SLC18B1: variants seen among roughly 807,000 people sequenced by gnomAD.
SLC18B1 encodes the protein MFS-type transporter SLC18B1.
Under a neutral mutation model 53.9 loss-of-function variants are expected in SLC18B1, and 62 were observed. That is an observed-to-expected ratio of 1.15 (90% confidence interval 0.94 to 1.42). SLC18B1 has a LOEUF of 1.42. Among genes scored for constraint, SLC18B1 ranks in the 40% most tolerant of loss-of-function variants. The pLI, the probability that SLC18B1 is intolerant of heterozygous loss-of-function variation, is 0.00. For missense variants in SLC18B1, 598 were observed against 547.3 expected, an observed-to-expected ratio of 1.09 and a Z score of -0.93; for synonymous variants, 217 against 200.9, an observed-to-expected ratio of 1.08 and a Z score of -0.68.
chr6:132,779,411 G>T lies in SLC18B1; in HGVS notation c.659-7C>A. On this transcript the variant is annotated splice_region_variant and splice_polypyrimidine_tract_variant and intron_variant, in intron 6 of 13. Transcript: ENST00000275227. ...TGTTCACCTGGATCAGACTCTTTAG[G>T]GAAAAAATGAAAAAAGAAAAAAAAA... 6.4e-7 allele frequency: 1 copy of T among 1,550,954 alleles called. No homozygotes were observed. Among genetic ancestry groups the T allele is most frequent in the Non-Finnish European group, 8.7e-7 (1 of 1,147,998 alleles).
intron 10 of SLC18B1, 41 bp downstream of exon 10, chr6:132,772,952 T>A (rs143091209): frequency 2.1e-6 from 3 of 1,417,554 alleles, no homozygotes; most frequent in African/African-American, 1.4e-5. Context: ...TACTTACTAC[T>A]TATTCACAAT....
In SLC18B1 at chr6:132,790,193, A is replaced by T; in HGVS notation, c.263T>A (p.Leu88Ter). The change falls in exon 3 of 14, where the codon TTG becomes TAG. Residue 88 changes from leucine (L) to a stop codon, truncating the protein, a stop_gained. Transcript: ENST00000275227. LOFTEE classifies it high-confidence loss of function. Reference protein sequence around the residue: ...CFALFELLASLVFGNYLVHIG... With the variant: ...CFALFELLAS The stretch of plus-strand genomic sequence containing the variant: ...TATACTTACATAGTTTCCAAATACC[A>T]AGGATGCCAGCAACTCGAACAAAGC... 1 of 1,570,586 alleles carries T rather than the reference A, an allele frequency of 6.4e-7. No homozygotes were observed. The highest frequency in any genetic ancestry group is 8.6e-7 in the Non-Finnish European group (1 of 1,156,282).
intron 1 of SLC18B1, among the ~76,000 whole-genome samples, chr6:132,798,002 G>GA (rs536855319): frequency 3.0e-4 from 45 of 148,468 alleles, no homozygotes; most frequent in South Asian, 6.4e-4. Flanking sequence ...AGTCCAGAAG[G>GA]AAAAAAAAAA....
intron 5 of SLC18B1, 65 bp from the exon 6 acceptor site, chr6:132,784,154 CTTTAAAAAAA>C: frequency 1.5e-6 from 2 of 1,332,550 alleles, no homozygotes; most frequent in Middle Eastern, 2.0e-4. Context: ...ATGGTACTAT[CTTTAAAAAAA>C]TTTCTATCTT....
At chr6:132,798,392 C>G (rs1273421065) in intron 1 of SLC18B1, 22 bp downstream of exon 1, 4 of 1,518,192 alleles carry the variant, frequency 2.6e-6, no homozygotes, top group Non-Finnish European at 3.5e-6. Flanking sequence ...TCCGGGCTCC[C>G]GGCCACGCAA....
chr6:132,792,009 C>A (rs985437400), intron 2 of SLC18B1, among the ~76,000 whole-genome samples: 1 of 151,784 alleles, frequency 6.6e-6, no homozygotes, highest in African/African-American at 2.4e-5. Flanking sequence ...GGGAGGATCA[C>A]TTGAGGTCAG....
chr6:132,787,971 C>A (rs1781423488), intron 4 of SLC18B1, among the ~76,000 whole-genome samples: 1 of 151,914 alleles, frequency 6.6e-6, no homozygotes, highest in Non-Finnish European at 1.5e-5. Flanking sequence ...ACCATCCTGG[C>A]CAACACGGTG....
intron 1 of SLC18B1, 21 bp downstream of exon 1, chr6:132,798,393 G>C (rs958454861): frequency 2.0e-6 from 3 of 1,517,078 alleles, no homozygotes; most frequent in South Asian, 1.2e-5. Flanking sequence ...CCGGGCTCCC[G>C]GCCACGCAAT....
intron 4 of SLC18B1, chr6:132,789,480 G>T: frequency 3.8e-6 from 1 of 265,960 alleles, no homozygotes; most frequent in Non-Finnish European, 7.1e-6. Context: ...GTAAGTTTCC[G>T]TGACTCAGAA....
Position 132,789,824 on chromosome 6 carries a change from C to G in SLC18B1, c.293G>C (p.Gly98Ala), listed in dbSNP as rs1781477580. 1 of 1,611,832 alleles carries G rather than the reference C, an allele frequency of 6.2e-7. No individual in the cohort carries two copies. The highest frequency in any genetic ancestry group is 1.3e-5 in the African/African-American group (1 of 74,964). Reference protein sequence around the residue: ...LVFGNYLVHIGAKFMFVAGMF... With the variant: ...LVFGNYLVHIAAKFMFVAGMF... Reference sequence around the variant, plus strand: ...TCCTGCTACAAACATAAATTTTGCTCCAATATGTACAAGCTATAATAAATG... The same window carrying G: ...TCCTGCTACAAACATAAATTTTGCTGCAATATGTACAAGCTATAATAAATG... Residue 98 changes from glycine (G) to alanine (A), a missense_variant, in exon 4 of 14, where the codon GGA becomes GCA. Coordinates refer to ENST00000275227, the MANE Select transcript of SLC18B1 (RefSeq NM_052831.3).
At chr6:132,786,604 A>G (rs1181568535) in intron 5 of SLC18B1, among the ~76,000 whole-genome samples, 1 of 151,960 alleles carries the variant, frequency 6.6e-6, no homozygotes, top group East Asian at 1.9e-4. Flanking sequence ...TTTACACCAC[A>G]AAGGGTTTAT....
chr6:132,779,489 C>A, intron 6 of SLC18B1, 85 bp from the exon 7 acceptor site: 1 of 1,399,150 alleles, frequency 7.1e-7, no homozygotes, highest in Admixed American at 2.1e-5. Context: ...CTGGTAACAC[C>A]ATCTTTATCT....
intron 6 of SLC18B1, among the ~76,000 whole-genome samples, chr6:132,780,617 A>G (rs1455681768): frequency 5.0e-5 from 6 of 120,246 alleles, no homozygotes; most frequent in Non-Finnish European, 7.9e-5. Flanking sequence ...TTTGGAGTGC[A>G]GTGGTGCGAT....
chr6:132,798,584 C>A lies in SLC18B1; in HGVS notation c.-128G>T. The A allele has an allele frequency of 2.0e-6, 2 of 994,834 alleles. No individual in the cohort carries two copies. The highest frequency in any genetic ancestry group is 2.7e-6 in the Non-Finnish European group (2 of 740,038). The allele number at this position is 994,834 out of a possible 1,614,324, so 61.6% of individuals were successfully genotyped here. On this transcript the variant is annotated 5_prime_UTR_variant, in exon 1 of 14. Transcript: ENST00000275227. ...AGCTGGAACCTGGCATCCCCGACTC[C>A]CTGCAGGCAGCGATCCGCCCGGCCC... is the stretch of plus-strand genomic sequence containing the variant.
intron 2 of SLC18B1, among the ~76,000 whole-genome samples, chr6:132,791,934 G>A (rs1434398941): frequency 6.6e-6 from 1 of 151,984 alleles, no homozygotes; most frequent in Non-Finnish European, 1.5e-5. Flanking sequence ...TAACGCATAA[G>A]AAAAATATGC....
intron 1 of SLC18B1, 44 bp downstream of exon 1, chr6:132,798,370 C>A: frequency 1.3e-6 from 2 of 1,500,548 alleles, no homozygotes; most frequent in Non-Finnish European, 8.9e-7. Flanking sequence ...ACGCCGGAAG[C>A]CGCCGCTGGT....
Position 132,776,374 on chromosome 6 carries a change from T to C in SLC18B1, c.851A>G (p.Tyr284Cys). The change falls in exon 8 of 14, where the codon TAT becomes TGT. Residue 284 changes from tyrosine (Y) to cysteine (C), a missense_variant. Physicochemically the swap from Tyr to Cys is radical, Grantham distance 194 (BLOSUM62 -2). Coordinates refer to ENST00000275227, the MANE Select transcript of SLC18B1 (RefSeq NM_052831.3). ...GLVFLGMALS[Y>C]AISSPLFGLL... ...ACCAAATAGTGGTGAAGAGATGGCA[T>C]AGGACAGTGCCATACCCAGGAATAC... is the stretch of plus-strand genomic sequence containing the variant. The C allele has an allele frequency of 1.2e-6, 2 of 1,613,752 alleles. No homozygotes were observed. The highest frequency in any genetic ancestry group is 1.7e-6 in the Non-Finnish European group (2 of 1,179,826).
At chr6:132,794,463 C>T (rs9493442) in intron 2 of SLC18B1, among the ~76,000 whole-genome samples, 2,021 of 152,070 alleles carry the variant, frequency 0.013, 43 homozygotes, top group African/African-American at 0.044. Flanking sequence ...CTCTTTCTTG[C>T]TCAAACACCT....
intron 4 of SLC18B1, chr6:132,789,421 T>G: frequency 5.5e-6 from 1 of 182,676 alleles, no homozygotes; most frequent in South Asian, 1.5e-4. Context: ...ATTCTGATAT[T>G]TTTTGAGTTG....
Sources: gnomAD v4.1 joint callset for allele counts (sites outside exome capture counted in the v4.1 genomes callset) on GRCh38, gnomAD v4.1.1 for gene constraint, MANE v1.5 for transcripts, NCBI Gene and HGNC (gene_info 2026-07-23, HGNC 2026-07-21) for gene names.